KIAA1217: variants seen among roughly 807,000 people sequenced by gnomAD.
The protein encoded by KIAA1217 is sickle tail protein homolog.
In KIAA1217, 88 loss-of-function variants were observed where a neutral mutation model predicts 163.9. The ratio of observed to expected loss-of-function variants is 0.54; its 90% CI spans 0.45 to 0.64. The LOEUF (loss-of-function observed/expected upper bound fraction) is 0.64. Ranked by LOEUF, KIAA1217 falls within the 30% of genes least tolerant of loss-of-function variation. The pLI is 0.00. For synonymous variants in KIAA1217, 903 were observed against 923.1 expected, an observed-to-expected ratio of 0.98 and a Z score of 0.39; for missense variants, 2,372 against 2,475.0, an observed-to-expected ratio of 0.96 and a Z score of 0.88.
At chr10:23,702,666 T>TACAC (rs377621544) in intron 1 of KIAA1217, among the ~76,000 whole-genome samples, 16,597 of 134,208 alleles carry the variant, frequency 0.12, 960 homozygotes, top group East Asian at 0.13. Context: ...AACAGGAGAA[T>TACAC]ACACACACAC....
intron 1 of KIAA1217, among the ~76,000 whole-genome samples, chr10:24,217,838 T>G (rs1261682535): frequency 6.6e-6 from 1 of 152,228 alleles, no homozygotes; most frequent in Admixed American, 6.5e-5. Context: ...GGAAACTTAT[T>G]TTTAAAAAAA....
At chr10:23,725,648 T>C (rs1449239740) in intron 1 of KIAA1217, among the ~76,000 whole-genome samples, 1 of 152,246 alleles carries the variant, frequency 6.6e-6, no homozygotes, top group Non-Finnish European at 1.5e-5. Context: ...GTTAATGGAA[T>C]AATTAATGTC....
At chr10:24,133,340 G>A (rs1281086725) in intron 2 of KIAA1217, among the ~76,000 whole-genome samples, 1 of 152,134 alleles carries the variant, frequency 6.6e-6, no homozygotes, top group African/African-American at 2.4e-5. Flanking sequence ...GGGAGGCTGA[G>A]ACGGGTGGAT....
chr10:24,534,701 G>A (rs1035181741), intron 16 of KIAA1217, among the ~76,000 whole-genome samples: 1 of 151,800 alleles, frequency 6.6e-6, no homozygotes, highest in Non-Finnish European at 1.5e-5. Context: ...CCAACATAAC[G>A]AAACCCCATC....
chr10:24,212,495 CGAGGCAGTCCAGCATCTA>C (rs767315296), intron 1 of KIAA1217, among the ~76,000 whole-genome samples: 14 of 152,110 alleles, frequency 9.2e-5, no homozygotes, highest in Non-Finnish European at 1.9e-4. Flanking sequence ...GGATGCCCCC[CGAGGCAGTCCAGCATCTA>C]GAGGTCAGGG....
At chr10:24,536,947 T>C in intron 17 of KIAA1217, 54 bp downstream of exon 17, 3 of 1,603,906 alleles carry the variant, frequency 1.9e-6, no homozygotes, top group Admixed American at 1.7e-5. Context: ...CCTTCCTTGC[T>C]CTGACACTAA....
At chr10:24,392,875 C>G (rs900336591) in intron 3 of KIAA1217, among the ~76,000 whole-genome samples, 2 of 152,142 alleles carry the variant, frequency 1.3e-5, no homozygotes, top group African/African-American at 4.8e-5. Flanking sequence ...CATGAAAACT[C>G]TATCTAAAAT....
chr10:24,155,553 GCTGATGC>G (rs1564765920), intron 2 of KIAA1217, among the ~76,000 whole-genome samples: 1 of 152,162 alleles, frequency 6.6e-6, no homozygotes, highest in East Asian at 1.9e-4. Flanking sequence ...GGGTGCAGTG[GCTGATGC>G]CTATAATCCC....
chr10:24,268,414 T>G (rs1476682602), intron 2 of KIAA1217, among the ~76,000 whole-genome samples: 1 of 152,102 alleles, frequency 6.6e-6, no homozygotes, highest in Admixed American at 6.6e-5. Context: ...GAACAGACAC[T>G]TCTCAAAAGA....
chr10:24,291,484 C>T lies in KIAA1217; in HGVS notation c.354+71575C>T, dbSNP rs114277384. On this transcript the variant is annotated intron_variant, in intron 2 of 20. Transcript: ENST00000376454. ...GGCGGAGGTTCTAGTGAGTCAAGAT[C>T]GCACCATTGCACTCCAGCTTGGGCA... Among the ~76,000 whole-genome samples the T allele has an allele frequency of 6.3e-3, 965 of 152,226 alleles. 9 individuals are homozygous for T. Among genetic ancestry groups the T allele is most frequent in the African/African-American group, 0.021 (890 of 41,540 alleles).
At chr10:24,284,468 A>T (rs989769155) in intron 2 of KIAA1217, among the ~76,000 whole-genome samples, 1 of 152,184 alleles carries the variant, frequency 6.6e-6, no homozygotes, top group Admixed American at 6.5e-5. Flanking sequence ...TACAAGTAAG[A>T]ACATATGATA....
At chr10:24,497,767 G>T (rs2066990949) in intron 8 of KIAA1217, among the ~76,000 whole-genome samples, 1 of 145,244 alleles carries the variant, frequency 6.9e-6, no homozygotes, top group Non-Finnish European at 1.5e-5. Context: ...TAATTGAGTA[G>T]ATAGTGGTGC....
At chr10:23,916,690 C>T (rs145489228) in intron 1 of KIAA1217, among the ~76,000 whole-genome samples, 13 of 152,204 alleles carry the variant, frequency 8.5e-5, no homozygotes, top group African/African-American at 3.1e-4. Flanking sequence ...AAATGTTTGG[C>T]TGGCAGGGCG....
intron 3 of KIAA1217, among the ~76,000 whole-genome samples, chr10:24,411,524 C>G (rs1263530834): frequency 1.3e-5 from 2 of 152,150 alleles, no homozygotes; most frequent in Non-Finnish European, 1.5e-5. Flanking sequence ...ATACTAACTG[C>G]TACTTACAGG....
chr10:23,896,264 G>C (rs1039639028), intron 1 of KIAA1217, among the ~76,000 whole-genome samples: 1 of 151,872 alleles, frequency 6.6e-6, no homozygotes, highest in Non-Finnish European at 1.5e-5. Flanking sequence ...ATCATCCACA[G>C]AATTAAATTT....
chr10:24,381,001 G>A lies in KIAA1217; in HGVS notation c.487G>A (p.Gly163Ser), dbSNP rs1400334090. Reference sequence around the variant, plus strand: ...GGATGCTCCAACCCCTTTTTCCAGAGGCAGCCGGACTCGTGCGAGCCTTCC... The same window carrying A: ...GGATGCTCCAACCCCTTTTTCCAGAAGCAGCCGGACTCGTGCGAGCCTTCC... ...EGDAPTPFSR[G>S]SRTRASLPVV... The change falls in exon 3 of 21, where the codon GGC becomes AGC. Residue 163 changes from glycine (G) to serine (S), a missense_variant. Physicochemically the swap from Gly to Ser is moderately conservative, Grantham distance 56. Transcript: ENST00000376454. The A allele has an allele frequency of 2.5e-6, 4 of 1,608,896 alleles. No individual in the cohort carries two copies. The highest frequency in any genetic ancestry group is 3.4e-6 in the Non-Finnish European group (4 of 1,177,300).
chr10:23,995,850 C>G (rs567519795), intron 1 of KIAA1217, among the ~76,000 whole-genome samples: 1 of 152,260 alleles, frequency 6.6e-6, no homozygotes, highest in South Asian at 2.1e-4. Context: ...GCTGAACATG[C>G]TCAGCACAGG....
intron 2 of KIAA1217, among the ~76,000 whole-genome samples, chr10:24,296,440 G>A (rs2040621582): frequency 6.6e-6 from 1 of 152,164 alleles, no homozygotes; most frequent in South Asian, 2.1e-4. Context: ...GTCTCCAGGT[G>A]ATTCCAATGC....
At chr10:24,058,003 T>C (rs1224724047) in intron 2 of KIAA1217, among the ~76,000 whole-genome samples, 1 of 152,240 alleles carries the variant, frequency 6.6e-6, no homozygotes, top group Non-Finnish European at 1.5e-5. Context: ...TCTTTCCCTG[T>C]TTTCTTCTAG....
Sources: allele counts gnomAD v4.1 joint callset (sites outside exome capture counted in the v4.1 genomes callset), GRCh38; gene constraint gnomAD v4.1.1; transcripts MANE v1.5; gene names NCBI Gene and HGNC (gene_info 2026-07-23, HGNC 2026-07-21).